The following NFX1 variants were observed in gnomAD, a reference collection of about 807,000 sequenced individuals.
NFX1 encodes transcriptional repressor NF-X1.
NFX1 carries 69 observed loss-of-function variants against 137.2 expected under a neutral mutation model. The observed-to-expected ratio is 0.50, with a 90% CI of 0.41 to 0.61. The LOEUF (loss-of-function observed/expected upper bound fraction) is 0.61, where lower values mean the gene tolerates loss of function less well. Ranked by LOEUF, NFX1 falls within the 20% of genes least tolerant of loss-of-function variation. The probability of loss-of-function intolerance (pLI) is 0.00; values close to 1 mark genes in which losing one functional copy is unlikely to be tolerated. For missense variants in NFX1, 1,167 were observed against 1,391.0 expected, an observed-to-expected ratio of 0.84 and a Z score of 2.56; for synonymous variants, 495 against 474.1, an observed-to-expected ratio of 1.04 and a Z score of -0.57.
rs147195056 is a variant in NFX1 at position 33,294,759 on chromosome 9, A to G, written c.365A>G (p.Gln122Arg). 20 of 1,614,160 alleles carry G rather than the reference A, an allele frequency of 1.2e-5. No individual in the cohort carries two copies. The highest frequency in any genetic ancestry group is 4.0e-5 in the African/African-American group (3 of 75,038). The change falls in exon 2 of 24, where the codon CAG (glutamine) becomes CGG (arginine). Residue 122 changes from glutamine to arginine, a missense_variant. Physicochemically the swap from Gln to Arg is conservative, Grantham distance 43. This residue lies in a region of NFX1 where 367 missense variants were observed against 386.7 expected (regional missense o/e 0.95). Coordinates refer to ENST00000379540, the MANE Select transcript of NFX1 (RefSeq NM_002504.6). Reference sequence around the variant, plus strand: ...CACCATATCAGAGTCAAGAAAGCACAGAGTCTTGCTGAGCAGACCTCAGAT... The same window carrying G: ...CACCATATCAGAGTCAAGAAAGCACGGAGTCTTGCTGAGCAGACCTCAGAT... ...EKHHIRVKKA[Q>R]SLAEQTSDTA...
At chr9:33,292,706 AG>A in intron 1 of NFX1, among the ~76,000 whole-genome samples, 2 of 152,208 alleles carry the variant, frequency 1.3e-5, no homozygotes, top group South Asian at 4.1e-4. Context: ...CCTGTATATG[AG>A]TACATGCAGC....
chr9:33,305,763 G>A (rs1477435516), intron 4 of NFX1, among the ~76,000 whole-genome samples: 1 of 152,224 alleles, frequency 6.6e-6, no homozygotes, highest in African/African-American at 2.4e-5. Context: ...CAGGTCAAAA[G>A]AAGAAGGTCT....
At chr9:33,333,355 A>G (rs1822883499) in intron 11 of NFX1, among the ~76,000 whole-genome samples, 1 of 152,242 alleles carries the variant, frequency 6.6e-6, no homozygotes, top group Admixed American at 6.5e-5. Context: ...CACACCTGAT[A>G]GGATATCTGG....
At chr9:33,350,267 G>A (rs1288517573) in intron 15 of NFX1, among the ~76,000 whole-genome samples, 1 of 144,014 alleles carries the variant, frequency 6.9e-6, no homozygotes, top group African/African-American at 2.6e-5. Flanking sequence ...TGGCGCCACC[G>A]CACTCCAGCC....
intron 11 of NFX1, among the ~76,000 whole-genome samples, chr9:33,336,979 G>A (rs2118532767): frequency 6.6e-6 from 1 of 152,232 alleles, no homozygotes; most frequent in South Asian, 2.1e-4. Flanking sequence ...GCAGGCACCT[G>A]TAATCCCAGC....
At chr9:33,331,466 A>C (rs1822803772) in intron 10 of NFX1, among the ~76,000 whole-genome samples, 1 of 152,228 alleles carries the variant, frequency 6.6e-6, no homozygotes, top group Non-Finnish European at 1.5e-5. Context: ...ACAATTGTAG[A>C]TAACCACTCC....
At chr9:33,337,293 T>C (rs1291611963) in intron 11 of NFX1, among the ~76,000 whole-genome samples, 1 of 152,214 alleles carries the variant, frequency 6.6e-6, no homozygotes, top group Non-Finnish European at 1.5e-5. Flanking sequence ...CTAATAGCAT[T>C]TACATTATAT....
At chr9:33,357,341 A>C (rs1203169981) in intron 19 of NFX1, among the ~76,000 whole-genome samples, 2 of 152,014 alleles carry the variant, frequency 1.3e-5, no homozygotes, top group Non-Finnish European at 2.9e-5. Flanking sequence ...TCAAATATAT[A>C]TATATATGTG....
intron 19 of NFX1, among the ~76,000 whole-genome samples, chr9:33,356,762 G>A (rs1452747563): frequency 1.3e-5 from 2 of 152,012 alleles, no homozygotes; most frequent in Non-Finnish European, 2.9e-5. Flanking sequence ...CCAGCACTCT[G>A]CAGTGCCACC....
intron 2 of NFX1, among the ~76,000 whole-genome samples, chr9:33,296,783 A>G (rs1821373493): frequency 6.6e-6 from 1 of 152,170 alleles, no homozygotes; most frequent in African/African-American, 2.4e-5. Context: ...ACCTTTATAG[A>G]TAGCGTTAAT....
intron 2 of NFX1, among the ~76,000 whole-genome samples, chr9:33,299,719 T>G (rs1564101738): frequency 6.6e-6 from 1 of 152,124 alleles, no homozygotes; most frequent in Admixed American, 6.6e-5. Context: ...AGACTAAATA[T>G]CACTCATTTA....
chr9:33,328,864 TA>T (rs1270607075), intron 10 of NFX1, among the ~76,000 whole-genome samples, 186 bp downstream of exon 10: 1 of 152,152 alleles, frequency 6.6e-6, no homozygotes, highest in Non-Finnish European at 1.5e-5. Context: ...ACAGGTGTGA[TA>T]GTCTGAAAAG....
Position 33,354,079 on chromosome 9 carries a change from A to G in NFX1, c.2730-7A>G, listed in dbSNP as rs780512027. The stretch of plus-strand genomic sequence containing the variant: ...GCCTCTTTTTCCCTTTCTTTTTTAT[A>G]TTTCAGAATAGCTGCAATCTCCATG... On this transcript the variant is annotated splice_polypyrimidine_tract_variant and splice_region_variant and intron_variant, in intron 17 of 23. Coordinates refer to ENST00000379540, the MANE Select transcript of NFX1 (RefSeq NM_002504.6). 3 of 1,597,132 alleles carry G rather than the reference A, an allele frequency of 1.9e-6. No homozygotes were observed. Among genetic ancestry groups the G allele is most frequent in the Non-Finnish European group, 2.6e-6 (3 of 1,173,874 alleles).
intron 14 of NFX1, 101 bp from the exon 15 acceptor site, chr9:33,346,937 G>T: frequency 1.2e-6 from 1 of 814,878 alleles, no homozygotes; most frequent in South Asian, 2.5e-5. Context: ...CCCAGTTTCT[G>T]AATTTAAAAG....
intron 4 of NFX1, 69 bp downstream of exon 4, chr9:33,303,337 T>G: frequency 7.5e-7 from 1 of 1,330,144 alleles, no homozygotes; most frequent in Non-Finnish European, 1.1e-6. Context: ...GGAAAGGTGG[T>G]CTGCGGGGCA....
intron 2 of NFX1, among the ~76,000 whole-genome samples, 154 bp downstream of exon 2, chr9:33,295,581 C>T (rs567426264): frequency 2.0e-4 from 30 of 152,324 alleles, no homozygotes; most frequent in African/African-American, 6.7e-4. Context: ...GTTCTACCAC[C>T]ACTCGCTGCT....
intron 19 of NFX1, among the ~76,000 whole-genome samples, chr9:33,362,520 C>T (rs1399384037): frequency 6.6e-6 from 1 of 151,998 alleles, no homozygotes; most frequent in Admixed American, 6.6e-5. Context: ...CACAGAAAGA[C>T]AGACACCACA....
chr9:33,313,324 C>T (rs570970557), intron 6 of NFX1, among the ~76,000 whole-genome samples: 1 of 151,936 alleles, frequency 6.6e-6, no homozygotes, highest in South Asian at 2.1e-4. Flanking sequence ...CGTGGTGGCT[C>T]AAGCCTGTAA....
intron 19 of NFX1, among the ~76,000 whole-genome samples, chr9:33,357,107 C>G (rs533377555): frequency 3.4e-4 from 52 of 151,600 alleles, no homozygotes; most frequent in African/African-American, 1.2e-3. Context: ...GTCAGCAGAT[C>G]GAGACCATCC....
Sources: gnomAD v4.1 joint callset for allele counts (sites outside exome capture counted in the v4.1 genomes callset) on GRCh38, gnomAD v4.1.1 for gene constraint, gnomAD v4.1.1 regional missense constraint, MANE v1.5 for transcripts, NCBI Gene and HGNC (gene_info 2026-07-23, HGNC 2026-07-21) for gene names.